GNAT3: variants seen among roughly 807,000 people sequenced by gnomAD.
The protein encoded by GNAT3 is G protein subunit alpha transducin 3.
A neutral mutation model predicts 37.7 loss-of-function variants in GNAT3; 31 were observed. The ratio of observed to expected loss-of-function variants is 0.82; its 90% CI spans 0.62 to 1.11. GNAT3 has a LOEUF of 1.11. GNAT3 is among the 50% of genes most tolerant of loss of function. GNAT3 has a pLI of 0.00. For synonymous variants in GNAT3, 138 were observed against 139.8 expected (o/e 0.99, Z 0.09); for missense variants, 437 against 412.5 (o/e 1.06, Z -0.51).
chr7:80,462,453 A>G, intron 6 of GNAT3, 49 bp downstream of exon 6: 1 of 1,601,796 alleles, frequency 6.2e-7, no homozygotes. Flanking sequence ...ACTACTGAAA[A>G]GCACAAAGAT....
intron 3 of GNAT3, among the ~76,000 whole-genome samples, chr7:80,482,664 C>T (rs535767174): frequency 6.7e-6 from 1 of 149,980 alleles, no homozygotes; most frequent in Non-Finnish European, 1.5e-5. Flanking sequence ...CAGGTGCACA[C>T]CACCACACCC....
Position 80,492,176 on chromosome 7 carries a change from CA to C in GNAT3, c.161+2428del, listed in dbSNP as rs71079120. ...GAAACCCCAACTCTACTAAAAATAC[CA>C]AAAAAAAAAAAAAAAAATTAGCTGG... On this transcript the variant is annotated intron_variant, in intron 2 of 7. Coordinates refer to ENST00000398291, the MANE Select transcript of GNAT3 (RefSeq NM_001102386.3). Among the ~76,000 whole-genome samples the C allele has an allele frequency of 5.1e-3, 699 of 136,328 alleles. 26 individuals are homozygous for C. The East Asian group carries it at 0.094, about 18-fold the overall frequency. The allele number at this position is 136,328 out of a possible 152,430, so 89.4% of individuals were successfully genotyped here.
intron 1 of GNAT3, among the ~76,000 whole-genome samples, chr7:80,504,264 C>T (rs902978632): frequency 7.3e-5 from 11 of 151,694 alleles, no homozygotes; most frequent in South Asian, 2.1e-4. Flanking sequence ...TGCAGTGAGA[C>T]GTAATTGCAC....
chr7:80,508,130 G>T (rs373853635), intron 1 of GNAT3, among the ~76,000 whole-genome samples: 1 of 151,870 alleles, frequency 6.6e-6, no homozygotes, highest in East Asian at 1.9e-4. Context: ...CTAGCTAAAA[G>T]TGAAAAATTG....
At chr7:80,505,645 C>A (rs1470719867) in intron 1 of GNAT3, among the ~76,000 whole-genome samples, 1 of 152,106 alleles carries the variant, frequency 6.6e-6, no homozygotes, top group Non-Finnish European at 1.5e-5. Flanking sequence ...GGATTACAGG[C>A]GTGAGCCACT....
At chr7:80,502,687 G>A (rs1234060609) in intron 1 of GNAT3, among the ~76,000 whole-genome samples, 1 of 151,158 alleles carries the variant, frequency 6.6e-6, no homozygotes, top group Non-Finnish European at 1.5e-5. Context: ...TGATCTAATA[G>A]ATATCCATTT....
At chr7:80,484,545 T>C (rs768328004) in intron 3 of GNAT3, among the ~76,000 whole-genome samples, 1 of 152,078 alleles carries the variant, frequency 6.6e-6, no homozygotes, top group Non-Finnish European at 1.5e-5. Flanking sequence ...GTAGTAAAAG[T>C]GTTACAATTT....
intron 6 of GNAT3, 59 bp downstream of exon 6, chr7:80,462,443 A>G: frequency 1.3e-6 from 2 of 1,588,640 alleles, no homozygotes; most frequent in East Asian, 4.5e-5. Context: ...ATGTGGTAGT[A>G]CTACTGAAAA....
intron 1 of GNAT3, among the ~76,000 whole-genome samples, chr7:80,495,825 A>G (rs1007722267): frequency 2.6e-5 from 4 of 152,138 alleles, no homozygotes; most frequent in African/African-American, 9.6e-5. Context: ...ATTTTCTTAC[A>G]TGATTGTTAG....
intron 5 of GNAT3, among the ~76,000 whole-genome samples, chr7:80,471,302 A>G (rs898007541): frequency 4.6e-5 from 7 of 151,270 alleles, no homozygotes; most frequent in Non-Finnish European, 1.0e-4. Context: ...TCAAATGTTA[A>G]TCTCCTTTGG....
intron 5 of GNAT3, among the ~76,000 whole-genome samples, chr7:80,473,954 C>CT (rs1304179155): frequency 6.6e-6 from 1 of 152,002 alleles, no homozygotes; most frequent in East Asian, 1.9e-4. Context: ...AATACATTTT[C>CT]TTTTTTTTCC....
At chr7:80,507,437 G>T (rs1790968473) in intron 1 of GNAT3, among the ~76,000 whole-genome samples, 1 of 151,722 alleles carries the variant, frequency 6.6e-6, no homozygotes, top group African/African-American at 2.4e-5. Flanking sequence ...GAAAGACAAA[G>T]GAAGAATAAT....
In GNAT3 at chr7:80,458,835, T is replaced by C. The variant is rs770521031; in HGVS notation, c.901A>G (p.Asn301Asp). 2.5e-6 allele frequency: 4 copies of C among 1,586,224 alleles called. No homozygotes were observed. Among genetic ancestry groups the C allele is most frequent in the Admixed American group, 1.8e-5 (1 of 54,228 alleles). ...TCTAGAAACTGGTTCTTGATGTAGT[T>C]TCCTGCATCTTCAAATGTATTTGGC... ...TGPNTFEDAGNYIKNQFLDLN... is the reference protein window; with the variant it reads ...TGPNTFEDAGDYIKNQFLDLN... Residue 301 changes from asparagine to aspartate, a missense_variant, in exon 8 of 8, where the codon AAC (asparagine) becomes GAC (aspartate). Transcript: ENST00000398291.
At chr7:80,502,066 A>G (rs554911643) in intron 1 of GNAT3, among the ~76,000 whole-genome samples, 4 of 152,114 alleles carry the variant, frequency 2.6e-5, no homozygotes, top group African/African-American at 9.6e-5. Context: ...AGTTACCAAT[A>G]ATGTACTGGA....
At chr7:80,502,831 C>T (rs1410105752) in intron 1 of GNAT3, among the ~76,000 whole-genome samples, 2 of 152,048 alleles carry the variant, frequency 1.3e-5, no homozygotes, top group Non-Finnish European at 2.9e-5. Flanking sequence ...AATTCCACCC[C>T]AATCACTCCT....
rs908707583 is a variant in GNAT3 at position 80,490,645 on chromosome 7, A to G, written c.162-1969T>C. On this transcript the variant is annotated intron_variant, in intron 2 of 7. Coordinates refer to ENST00000398291, the MANE Select transcript of GNAT3 (RefSeq NM_001102386.3). ...GATGCTCACAATTTTCAAGTGTTCAATATGTGCCAAGCACTATTGTAAGCA... is the reference window on the plus strand; with the variant it reads ...GATGCTCACAATTTTCAAGTGTTCAGTATGTGCCAAGCACTATTGTAAGCA... 4.6e-5 allele frequency among the ~76,000 whole-genome samples: 7 copies of G among 152,228 alleles called. No homozygotes were observed. The East Asian group carries it at 7.7e-4, about 17-fold the overall frequency.
chr7:80,491,832 A>G (rs1790597886), intron 2 of GNAT3, among the ~76,000 whole-genome samples: 1 of 152,174 alleles, frequency 6.6e-6, no homozygotes, highest in Non-Finnish European at 1.5e-5. Flanking sequence ...TCTACTGAGA[A>G]AAGGAAAGAC....
chr7:80,491,671 G>A (rs1490628644), intron 2 of GNAT3, among the ~76,000 whole-genome samples: 3 of 152,100 alleles, frequency 2.0e-5, no homozygotes, highest in Non-Finnish European at 4.4e-5. Context: ...AAGGACTTAA[G>A]GAGACTTCAA....
At chr7:80,504,848 G>C (rs891021771) in intron 1 of GNAT3, among the ~76,000 whole-genome samples, 2 of 145,148 alleles carry the variant, frequency 1.4e-5, no homozygotes, top group Non-Finnish European at 2.9e-5. Context: ...GGGTGAGGTT[G>C]GGGGGAGATT....
Sources: gnomAD v4.1 joint callset for allele counts (sites outside exome capture counted in the v4.1 genomes callset) on GRCh38, gnomAD v4.1.1 for gene constraint, MANE v1.5 for transcripts, NCBI Gene and HGNC (gene_info 2026-07-23, HGNC 2026-07-21) for gene names.